ZNF804B: variants seen among roughly 807,000 people sequenced by gnomAD.
The protein encoded by ZNF804B is zinc finger 804B.
Under a neutral mutation model 101.4 loss-of-function variants are expected in ZNF804B, and 80 were observed. The ratio of observed to expected loss-of-function variants is 0.79; its 90% CI spans 0.66 to 0.95. The LOEUF (loss-of-function observed/expected upper bound fraction) is 0.95. Among genes scored for constraint, ZNF804B ranks in the 40% least tolerant of loss-of-function variants. The pLI is 0.00. For missense variants in ZNF804B, 1,673 were observed against 1,561.9 expected (o/e 1.07, Z -1.20); for synonymous variants, 622 against 558.8 (o/e 1.11, Z -1.59).
At chr7:89,073,894 G>T (rs1031388059) in intron 1 of ZNF804B, among the ~76,000 whole-genome samples, 1 of 152,144 alleles carries the variant, frequency 6.6e-6, no homozygotes, top group Admixed American at 6.5e-5. Flanking sequence ...AAGTTCCTCT[G>T]ATTTTGAGAT....
intron 1 of ZNF804B, among the ~76,000 whole-genome samples, chr7:89,115,744 A>G (rs988358490): frequency 2.6e-5 from 4 of 152,202 alleles, no homozygotes; most frequent in Admixed American, 6.5e-5. Context: ...AGGTTGTGCA[A>G]TGAACTTTAG....
intron 1 of ZNF804B, among the ~76,000 whole-genome samples, chr7:89,067,750 A>G (rs1268846203): frequency 6.6e-6 from 1 of 152,132 alleles, no homozygotes; most frequent in African/African-American, 2.4e-5. Flanking sequence ...GCCTGAGTTC[A>G]AAGCCAGGTT....
intron 1 of ZNF804B, among the ~76,000 whole-genome samples, chr7:88,788,782 G>C (rs936205639): frequency 1.3e-5 from 2 of 152,096 alleles, no homozygotes; most frequent in African/African-American, 2.4e-5. Context: ...GCATTAATTA[G>C]AATGAATTAG....
In ZNF804B at chr7:89,220,047, A is replaced by ATACATATATATGCACACATATATGTGTG. The variant is rs1788971297; in HGVS notation, c.249+1754_249+1755insCATATATATGCACACATATATGTGTGTA. ...CATATATATACGCACATATATGTGC[A>ATACATATATATGCACACATATATGTGTG]TATATACATATATACGCACATATAT... On this transcript the variant is annotated intron_variant, in intron 2 of 3. Coordinates refer to ENST00000333190, the MANE Select transcript of ZNF804B (RefSeq NM_181646.5). Among the ~76,000 whole-genome samples the ATACATATATATGCACACATATATGTGTG allele has an allele frequency of 5.2e-5, 2 of 38,760 alleles. 1 individual carries two copies. Among genetic ancestry groups the ATACATATATATGCACACATATATGTGTG allele is most frequent in the Admixed American group, 4.7e-4 (2 of 4,278 alleles). The allele number at this position is 38,760 out of a possible 152,430, so 25.4% of individuals were successfully genotyped here. A position where few individuals can be genotyped will look rare whatever the true frequency, so the allele number is the denominator to read the frequency against.
intron 1 of ZNF804B, among the ~76,000 whole-genome samples, chr7:88,771,670 A>G (rs1016740526): frequency 6.6e-6 from 1 of 152,156 alleles, no homozygotes; most frequent in African/African-American, 2.4e-5. Flanking sequence ...GATTAGGCAC[A>G]AATGAATGGA....
chr7:88,883,401 T>C (rs1039368508), intron 1 of ZNF804B, among the ~76,000 whole-genome samples: 1 of 152,096 alleles, frequency 6.6e-6, no homozygotes, highest in African/African-American at 2.4e-5. Context: ...TTACCAGACA[T>C]TGTTACATAA....
At chr7:89,126,704 T>C (rs1790479410) in intron 1 of ZNF804B, among the ~76,000 whole-genome samples, 1 of 151,862 alleles carries the variant, frequency 6.6e-6, no homozygotes, top group African/African-American at 2.4e-5. Flanking sequence ...CTAATTCACA[T>C]CCTTTTATAG....
chr7:88,847,420 G>T (rs17164726), intron 1 of ZNF804B, among the ~76,000 whole-genome samples: 10,235 of 151,972 alleles, frequency 0.067, 1,037 homozygotes, highest in African/African-American at 0.22. Context: ...AGCTTAATTT[G>T]TAAACCATTT....
intron 1 of ZNF804B, among the ~76,000 whole-genome samples, chr7:88,907,249 C>T (rs555419836): frequency 2.0e-5 from 3 of 152,046 alleles, no homozygotes; most frequent in South Asian, 4.2e-4. Flanking sequence ...ATAGGTCCCT[C>T]GAAGATAGCA....
intron 2 of ZNF804B, among the ~76,000 whole-genome samples, chr7:89,241,115 C>A (rs1364798834): frequency 6.6e-6 from 1 of 152,054 alleles, no homozygotes; most frequent in Non-Finnish European, 1.5e-5. Context: ...TGTTTTACTT[C>A]CTAAAACCAC....
intron 1 of ZNF804B, among the ~76,000 whole-genome samples, chr7:88,796,857 T>G (rs1424190824): frequency 1.3e-5 from 2 of 152,108 alleles, no homozygotes; most frequent in African/African-American, 4.8e-5. Flanking sequence ...TGAGCTTACC[T>G]GTGGACTAAA....
At chr7:88,975,086 C>T (rs1022678884) in intron 1 of ZNF804B, among the ~76,000 whole-genome samples, 7 of 151,422 alleles carry the variant, frequency 4.6e-5, no homozygotes, top group Non-Finnish European at 7.4e-5. Context: ...CAGTTCTATC[C>T]ATTTCGTTGC....
intron 1 of ZNF804B, among the ~76,000 whole-genome samples, chr7:89,112,231 TAA>T (rs1790228604): frequency 1.3e-5 from 2 of 152,166 alleles, no homozygotes; most frequent in Admixed American, 1.3e-4. Context: ...AGCTATCTTA[TAA>T]AACTTTAATA....
intron 2 of ZNF804B, among the ~76,000 whole-genome samples, chr7:89,326,267 C>T (rs67994158): frequency 0.08 from 12,191 of 151,978 alleles, 1,749 homozygotes; most frequent in East Asian, 0.69. Flanking sequence ...TTTGAAAGAC[C>T]GATCTGCCTT....
chr7:89,240,724 A>G (rs868457229), intron 2 of ZNF804B, among the ~76,000 whole-genome samples: 1 of 152,008 alleles, frequency 6.6e-6, no homozygotes, highest in Non-Finnish European at 1.5e-5. Context: ...TACACTGAGT[A>G]TAAATACTAG....
At chr7:89,136,764 T>TGCGC (rs66524290) in intron 1 of ZNF804B, among the ~76,000 whole-genome samples, 39 of 146,504 alleles carry the variant, frequency 2.7e-4, no homozygotes, top group African/African-American at 8.4e-4. Flanking sequence ...TGTGTGTGTG[T>TGCGC]GCGCGCACGT....
chr7:89,278,827 G>A lies in ZNF804B; in HGVS notation c.250-48517G>A, dbSNP rs971151189. Among the ~76,000 whole-genome samples, 35 of 151,722 alleles carry A rather than the reference G, an allele frequency of 2.3e-4. 1 individual carries two copies. The highest frequency in any genetic ancestry group is 3.7e-4 in the Non-Finnish European group (25 of 67,930). The stretch of plus-strand genomic sequence containing the variant: ...TCTTTTGGCTTAGGATTGACTTGGC[G>A]ATGCAGGCTCTTTTTTGGTTCCATA... On this transcript the variant is annotated intron_variant, in intron 2 of 3. Coordinates refer to ENST00000333190, the MANE Select transcript of ZNF804B (RefSeq NM_181646.5).
chr7:89,108,415 T>C (rs1024953343), intron 1 of ZNF804B, among the ~76,000 whole-genome samples: 2 of 152,054 alleles, frequency 1.3e-5, no homozygotes, highest in Non-Finnish European at 2.9e-5. Context: ...GCCATCTACA[T>C]ACATGAGGAG....
At chr7:89,288,513 G>A (rs187733027) in intron 2 of ZNF804B, among the ~76,000 whole-genome samples, 5 of 152,076 alleles carry the variant, frequency 3.3e-5, no homozygotes, top group Admixed American at 3.3e-4. Context: ...TATAAGACAG[G>A]TTACTTTTAA....
Sources: allele counts gnomAD v4.1 joint callset (sites outside exome capture counted in the v4.1 genomes callset), GRCh38; gene constraint gnomAD v4.1.1; transcripts MANE v1.5; gene names NCBI Gene and HGNC (gene_info 2026-07-23, HGNC 2026-07-21).